The following ZFHX4 variants were observed in gnomAD, a reference collection of about 807,000 sequenced individuals.
ZFHX4 encodes zinc finger homeobox 4.
Under a neutral mutation model 267.6 loss-of-function variants are expected in ZFHX4, and 56 were observed. The observed-to-expected ratio is 0.21, with a 90% CI of 0.17 to 0.26. The LOEUF is 0.26. Ranked by LOEUF, ZFHX4 falls within the 10% of genes least tolerant of loss-of-function variation. ZFHX4 has a pLI of 1.00. For missense variants in ZFHX4, 4,332 were observed against 4,420.0 expected (o/e 0.98, Z 0.56); for synonymous variants, 1,778 against 1,665.6 (o/e 1.07, Z -1.64).
Position 76,851,182 on chromosome 8 carries a change from A to G in ZFHX4, c.4261A>G (p.Ile1421Val), listed in dbSNP as rs772468390. 6 of 1,613,958 alleles carry G rather than the reference A, an allele frequency of 3.7e-6. No individual in the cohort carries two copies. The highest frequency in any genetic ancestry group is 1.3e-5 in the African/African-American group (1 of 75,054). The change falls in exon 10 of 11, where the codon ATT becomes GTT. Residue 1421 changes from isoleucine to valine, a missense_variant. Ile to Val is a conservative substitution (Grantham distance 29). Around this residue, in one of 7 missense-constraint regions of ZFHX4, gnomAD observed 1,371 missense variants for 1,423.1 expected, o/e 0.96. Coordinates refer to ENST00000651372, the MANE Select transcript of ZFHX4 (RefSeq NM_024721.5). ...KLQIHSQYHA[I>V]RAATMCNLCQ... ...TCAGATACATTCCCAGTATCATGCAATTCGGGCTGCGACAATGTGTAACCT... is the reference window on the plus strand; with the variant it reads ...TCAGATACATTCCCAGTATCATGCAGTTCGGGCTGCGACAATGTGTAACCT...
chr8:76,781,604 C>G (rs1296554662), intron 4 of ZFHX4, among the ~76,000 whole-genome samples: 9 of 151,892 alleles, frequency 5.9e-5, no homozygotes, highest in Non-Finnish European at 1.3e-4. Context: ...ATTTTTTGAC[C>G]TATTAACTTT....
chr8:76,752,946 AGGTTC>A (rs1809659889), intron 3 of ZFHX4, among the ~76,000 whole-genome samples: 1 of 152,182 alleles, frequency 6.6e-6, no homozygotes, highest in South Asian at 2.1e-4. Context: ...CCACTTGAAA[AGGTTC>A]TGGGTTTATT....
intron 4 of ZFHX4, among the ~76,000 whole-genome samples, chr8:76,781,801 A>C (rs1442280411): frequency 1.3e-5 from 2 of 152,076 alleles, no homozygotes; most frequent in African/African-American, 4.8e-5. Context: ...GGTAATATAC[A>C]TTATTAGGAA....
In ZFHX4 at chr8:76,850,927, G is replaced by C. The variant is rs1207917584; in HGVS notation, c.4006G>C (p.Asp1336His). 3 of 1,612,530 alleles carry C rather than the reference G, an allele frequency of 1.9e-6. No individual in the cohort carries two copies. The highest frequency in any genetic ancestry group is 2.5e-6 in the Non-Finnish European group (3 of 1,179,228). Residue 1336 changes from aspartate to histidine, a missense_variant, in exon 10 of 11, where the codon GAT (aspartate) becomes CAT (histidine). By Grantham distance (81) the Asp-to-His change is moderately conservative (BLOSUM62 -1). This residue lies in a region of ZFHX4 where 1,371 missense variants were observed against 1,423.1 expected (regional missense o/e 0.96). Transcript: ENST00000651372. ...TGACAAAAGCATGGCAGGTCTCGAG[G>C]ATTCAAAGGCTAATGTGGAAGTAAA... is the stretch of plus-strand genomic sequence containing the variant. ...MDDKSMAGLE[D>H]SKANVEVKNE...
At chr8:76,778,472 C>T (rs776644995) in intron 4 of ZFHX4, 33 bp downstream of exon 4, 15 of 1,531,428 alleles carry the variant, frequency 9.8e-6, no homozygotes. Context: ...GTCTCTGAGC[C>T]TCCCTCCACA....
chr8:76,765,039 G>A (rs1328441100), intron 3 of ZFHX4, among the ~76,000 whole-genome samples: 2 of 152,042 alleles, frequency 1.3e-5, no homozygotes, highest in South Asian at 2.1e-4. Flanking sequence ...TTTCAATCTC[G>A]TAAAAATTTT....
chr8:76,700,056 G>A (rs1435280048), intron 1 of ZFHX4, among the ~76,000 whole-genome samples: 1 of 151,908 alleles, frequency 6.6e-6, no homozygotes, highest in East Asian at 1.9e-4. Flanking sequence ...TTTGGAATGG[G>A]GAAAAGGCCA....
At chr8:76,758,073 T>C (rs954176224) in intron 3 of ZFHX4, among the ~76,000 whole-genome samples, 1 of 152,194 alleles carries the variant, frequency 6.6e-6, no homozygotes, top group Non-Finnish European at 1.5e-5. Flanking sequence ...TGCCAGGAAC[T>C]GTCTTAAGTC....
Position 76,854,754 on chromosome 8 carries a change from G to A in ZFHX4, c.7833G>A (p.Thr2611=), listed in dbSNP as rs770762653. The A allele has an allele frequency of 6.8e-6, 11 of 1,611,520 alleles. No individual in the cohort carries two copies. Among genetic ancestry groups the A allele is most frequent in the Non-Finnish European group, 9.3e-6 (11 of 1,178,858 alleles). The change falls in exon 10 of 11, where the codon ACG becomes ACA. Residue 2611 remains threonine (T), a synonymous_variant. Transcript: ENST00000651372. Reference sequence around the variant, plus strand: ...ACCGAGATAAACGCTTGAGAACCACGATCACCCCGGAACAGCTGGAAATAC... The same window carrying A: ...ACCGAGATAAACGCTTGAGAACCACAATCACCCCGGAACAGCTGGAAATAC... The part of the protein sequence containing the change: ...DQHRDKRLRT[T]ITPEQLEILY...
At chr8:76,714,231 A>C (rs1183815257) in intron 3 of ZFHX4, among the ~76,000 whole-genome samples, 2 of 152,124 alleles carry the variant, frequency 1.3e-5, no homozygotes, top group Non-Finnish European at 2.9e-5. Context: ...CTTGTTTAAA[A>C]TTGCTGAGAT....
At chr8:76,789,941 C>A (rs79255222) in intron 4 of ZFHX4, among the ~76,000 whole-genome samples, 2,620 of 152,132 alleles carry the variant, frequency 0.017, 89 homozygotes, top group African/African-American at 0.058. Context: ...TTAAAATGTA[C>A]AATACTTGCT....
chr8:76,682,172 A>T (rs1051542979), intron 1 of ZFHX4, among the ~76,000 whole-genome samples: 1 of 151,484 alleles, frequency 6.6e-6, no homozygotes, highest in Non-Finnish European at 1.5e-5. Context: ...CATCCTCTGA[A>T]AGTTTGGACG....
At position 76,704,231 on chromosome 8, in the gene ZFHX4, A is replaced by C. The variant is rs1275906766; in HGVS notation, c.143A>C (p.Asp48Ala). 1 of 1,614,004 alleles carries C rather than the reference A, an allele frequency of 6.2e-7. No homozygotes were observed. Among genetic ancestry groups the C allele is most frequent in the African/African-American group, 1.3e-5 (1 of 75,060 alleles). ...MEPDRENSST[D>A]DNLKTDERKS... is the part of the protein sequence containing the mutation. ...CCTGACAGGGAAAACAGCTCCACAG[A>C]TGACAACCTGAAAACGGATGAGCGC... is the stretch of plus-strand genomic sequence containing the variant. The change falls in exon 2 of 11, where the codon GAT becomes GCT. Residue 48 changes from aspartate to alanine, a missense_variant. By Grantham distance (126) the Asp-to-Ala change is moderately radical. Around this residue, in one of 7 missense-constraint regions of ZFHX4, gnomAD observed 1,195 missense variants for 1,173.6 expected, o/e 1.02. Transcript: ENST00000651372.
At chr8:76,810,125 A>G (rs1563535360) in intron 4 of ZFHX4, among the ~76,000 whole-genome samples, 1 of 152,196 alleles carries the variant, frequency 6.6e-6, no homozygotes, top group African/African-American at 2.4e-5. Flanking sequence ...TGTTATTCTT[A>G]TAAACTCTTT....
At chr8:76,804,021 TACTC>T (rs1171753583) in intron 4 of ZFHX4, among the ~76,000 whole-genome samples, 5 of 152,116 alleles carry the variant, frequency 3.3e-5, no homozygotes, top group Admixed American at 6.6e-5. Flanking sequence ...TCTGAGAAAA[TACTC>T]ACCTCAAAAT....
chr8:76,773,857 C>G (rs1310414804), intron 3 of ZFHX4, among the ~76,000 whole-genome samples: 3 of 152,110 alleles, frequency 2.0e-5, no homozygotes, highest in Non-Finnish European at 2.9e-5. Flanking sequence ...TGTATGCCCT[C>G]TTTCTCAGAA....
At chr8:76,812,972 G>A (rs1326934994) in intron 4 of ZFHX4, among the ~76,000 whole-genome samples, 1 of 152,148 alleles carries the variant, frequency 6.6e-6, no homozygotes, top group Admixed American at 6.6e-5. Context: ...AGTGATGGCA[G>A]CTGTGAGGCA....
At chr8:76,773,329 G>C (rs964855699) in intron 3 of ZFHX4, among the ~76,000 whole-genome samples, 5 of 152,122 alleles carry the variant, frequency 3.3e-5, no homozygotes, top group African/African-American at 1.2e-4. Flanking sequence ...TTGATCCATA[G>C]AGTTATTGGA....
chr8:76,776,483 T>A (rs1337404861), intron 3 of ZFHX4, among the ~76,000 whole-genome samples: 1 of 152,052 alleles, frequency 6.6e-6, no homozygotes, highest in Admixed American at 6.6e-5. Context: ...TTGAGACTGG[T>A]GTGTTTGAAA....
Sources: gnomAD v4.1 joint callset for allele counts (sites outside exome capture counted in the v4.1 genomes callset) on GRCh38, gnomAD v4.1.1 for gene constraint, gnomAD v4.1.1 regional missense constraint, MANE v1.5 for transcripts, NCBI Gene and HGNC (gene_info 2026-07-23, HGNC 2026-07-21) for gene names.